ARHGAP12: variants seen among roughly 807,000 people sequenced by gnomAD.
The protein encoded by ARHGAP12 is rho GTPase-activating protein 12.
Under a neutral mutation model 108.6 loss-of-function variants are expected in ARHGAP12, and 64 were observed. That is an observed-to-expected ratio of 0.59 (90% CI 0.48 to 0.73). The LOEUF (loss-of-function observed/expected upper bound fraction) is 0.73, where lower values mean the gene tolerates loss of function less well. Among genes scored for constraint, ARHGAP12 ranks in the 30% least tolerant of loss-of-function variants. The probability of loss-of-function intolerance (pLI) is 0.00; values close to 1 mark genes in which losing one functional copy is unlikely to be tolerated. For missense variants in ARHGAP12, 940 were observed against 1,005.9 expected (o/e 0.93, Z 0.89); for synonymous variants, 312 against 337.2 (o/e 0.93, Z 0.82).
intron 6 of ARHGAP12, among the ~76,000 whole-genome samples, chr10:31,843,927 A>T (rs1425865248): frequency 6.6e-6 from 1 of 152,270 alleles, no homozygotes; most frequent in Non-Finnish European, 1.5e-5. Context: ...AGAAGAAAGT[A>T]TTAAAAGAGT....
At chr10:31,909,298 A>G (rs1014215388) in intron 2 of ARHGAP12, among the ~76,000 whole-genome samples, 1 of 152,182 alleles carries the variant, frequency 6.6e-6, no homozygotes, top group Non-Finnish European at 1.5e-5. Context: ...TTTCATTTCT[A>G]TAACAATTCC....
rs201754040 is a variant in ARHGAP12 at position 31,816,168 on chromosome 10, CGTGTGTGTGTGTGT to C, written c.1731+1606_1731+1619del. 1.2e-3 allele frequency among the ~76,000 whole-genome samples: 160 copies of C among 136,428 alleles called. 1 individual carries two copies. Among genetic ancestry groups the C allele is most frequent in the African/African-American group, 3.3e-3 (120 of 36,200 alleles). 89.5% of individuals were successfully genotyped at this position (136,428 alleles called of 152,430 possible). ...TGTCTCAAAAAAAGAAAGAAAGAAA[CGTGTGTGTGTGTGT>C]GTGTGTGTGTGTGTGTGTGTGTGTG... On this transcript the variant is annotated intron_variant, in intron 13 of 19. Coordinates refer to ENST00000344936, the MANE Select transcript of ARHGAP12 (RefSeq NM_018287.7).
intron 7 of ARHGAP12, 147 bp downstream of exon 7, chr10:31,843,314 T>C (rs1836335522): frequency 1.2e-6 from 1 of 826,996 alleles, no homozygotes; most frequent in South Asian, 2.0e-5. Context: ...TCAACATACA[T>C]GCAGATCAAA....
intron 3 of ARHGAP12, 115 bp from the exon 4 acceptor site, chr10:31,861,773 G>A: frequency 1.1e-6 from 1 of 887,158 alleles, no homozygotes; most frequent in East Asian, 2.8e-5. Context: ...CATATATACA[G>A]GTGAATATAT....
At chr10:31,826,624 T>TATGA (rs1057379839) in intron 10 of ARHGAP12, among the ~76,000 whole-genome samples, 2 of 152,206 alleles carry the variant, frequency 1.3e-5, no homozygotes, top group African/African-American at 2.4e-5. Context: ...CAGAAATAAC[T>TATGA]ATGAATGAAT....
chr10:31,911,864 C>G (rs1839364118), intron 1 of ARHGAP12, among the ~76,000 whole-genome samples: 1 of 152,124 alleles, frequency 6.6e-6, no homozygotes, highest in Admixed American at 6.5e-5. Context: ...GACCTGAACT[C>G]TTCAAAAAAG....
intron 11 of ARHGAP12, 100 bp downstream of exon 11, chr10:31,826,204 T>TG: frequency 1.2e-6 from 1 of 826,964 alleles, no homozygotes; most frequent in Non-Finnish European, 1.9e-6. Context: ...GCACACTAGC[T>TG]ATAACTATAA....
intron 11 of ARHGAP12, among the ~76,000 whole-genome samples, chr10:31,825,021 A>T (rs1444268043): frequency 6.6e-6 from 1 of 152,192 alleles, no homozygotes; most frequent in Non-Finnish European, 1.5e-5. Context: ...TTATCCATTT[A>T]CTTTAAGATA....
chr10:31,891,293 C>A (rs1838419118), intron 3 of ARHGAP12, among the ~76,000 whole-genome samples: 1 of 152,162 alleles, frequency 6.6e-6, no homozygotes, highest in South Asian at 2.1e-4. Flanking sequence ...GCTAGTATAT[C>A]TCTCAGCATT....
chr10:31,876,542 C>A (rs1450530882), intron 3 of ARHGAP12, among the ~76,000 whole-genome samples: 1 of 133,562 alleles, frequency 7.5e-6, no homozygotes, highest in Admixed American at 7.6e-5. Context: ...AAACAAAAAA[C>A]CACCAAAAAA....
chr10:31,867,566 G>A (rs1564400071), intron 3 of ARHGAP12, among the ~76,000 whole-genome samples: 1 of 152,092 alleles, frequency 6.6e-6, no homozygotes, highest in African/African-American at 2.4e-5. Context: ...CCAAAAATAT[G>A]TTTTTTTAAC....
chr10:31,906,738 C>T (rs1839147528), intron 3 of ARHGAP12, among the ~76,000 whole-genome samples: 1 of 151,970 alleles, frequency 6.6e-6, no homozygotes, highest in Non-Finnish European at 1.5e-5. Context: ...AACTCCAGGG[C>T]AGTGAACTTA....
intron 10 of ARHGAP12, among the ~76,000 whole-genome samples, chr10:31,830,575 A>G (rs1388416265): frequency 6.6e-6 from 1 of 152,184 alleles, no homozygotes; most frequent in Non-Finnish European, 1.5e-5. Flanking sequence ...CACTTAAAAA[A>G]AAAATCTAAC....
chr10:31,829,865 T>C (rs1034841363), intron 10 of ARHGAP12, among the ~76,000 whole-genome samples: 6 of 152,140 alleles, frequency 3.9e-5, no homozygotes, highest in African/African-American at 1.4e-4. Flanking sequence ...TATCTGAACA[T>C]ATCTTAAAAC....
At chr10:31,878,531 T>G (rs1010650234) in intron 3 of ARHGAP12, among the ~76,000 whole-genome samples, 21 of 152,350 alleles carry the variant, frequency 1.4e-4, no homozygotes, top group African/African-American at 4.1e-4. Context: ...TTATTGTATT[T>G]TACATTTATT....
At chr10:31,813,948 A>G (rs1835107687) in intron 14 of ARHGAP12, among the ~76,000 whole-genome samples, 2 of 152,226 alleles carry the variant, frequency 1.3e-5, no homozygotes, top group East Asian at 1.9e-4. Context: ...CAGTAAGTAT[A>G]TATTTTTAAA....
chr10:31,808,997 T>C lies in ARHGAP12; in HGVS notation c.2260A>G (p.Ile754Val), dbSNP rs553396891. Residue 754 changes from isoleucine (I) to valine (V), a missense_variant, in exon 18 of 20, where the codon ATT (isoleucine) becomes GTT (valine). Physicochemically the swap from Ile to Val is conservative, Grantham distance 29 (BLOSUM62 3). Transcript: ENST00000344936. ...CTGAGTAGAATTACATACTTACTAA[T>C]TGCATTAACAAAATCATTAAAATGA... Reference protein sequence around the residue: ...FNHFNDFVNAIKQEPRQRVAA... With the variant: ...FNHFNDFVNAVKQEPRQRVAA... 8.2e-6 allele frequency: 13 copies of C among 1,581,332 alleles called. No individual in the cohort carries two copies. Among genetic ancestry groups the C allele is most frequent in the African/African-American group, 5.4e-5 (4 of 73,582 alleles).
chr10:31,908,412 T>C lies in ARHGAP12; in HGVS notation c.444A>G (p.Leu148=), dbSNP rs750547282. The change falls in exon 3 of 20, where the codon CTA becomes CTG. Residue 148 remains leucine, a synonymous_variant. Coordinates refer to ENST00000344936, the MANE Select transcript of ARHGAP12 (RefSeq NM_018287.7). ...PSYNQGQTVN[L]SLDLTHNNGK... ...CGTTATTATGGGTCAGGTCCAGGCT[T>C]AGGTTGACAGTCTGACCTTGATTAT... 1.9e-6 allele frequency: 3 copies of C among 1,614,170 alleles called. No homozygotes were observed. Among genetic ancestry groups the C allele is most frequent in the Admixed American group, 3.3e-5 (2 of 60,014 alleles).
intron 3 of ARHGAP12, among the ~76,000 whole-genome samples, chr10:31,894,017 T>G (rs1169788932): frequency 6.6e-6 from 1 of 152,222 alleles, no homozygotes; most frequent in African/African-American, 2.4e-5. Context: ...TCTCAACAGA[T>G]GCAGAAAAGG....
Sources: gnomAD v4.1 joint callset for allele counts (sites outside exome capture counted in the v4.1 genomes callset) on GRCh38, gnomAD v4.1.1 for gene constraint, MANE v1.5 for transcripts, NCBI Gene and HGNC (gene_info 2026-07-23, HGNC 2026-07-21) for gene names.